Variants in STAMBP observed in about 807,000 individuals in gnomAD.
The protein encoded by STAMBP is STAM binding protein.
A neutral mutation model predicts 50.7 loss-of-function variants in STAMBP; 31 were observed. That is an observed-to-expected ratio of 0.61 (90% CI 0.46 to 0.83). STAMBP has a LOEUF of 0.83. Among genes scored for constraint, STAMBP ranks in the 40% least tolerant of loss-of-function variants. The pLI is 0.00. For synonymous variants in STAMBP, 211 were observed against 192.4 expected (o/e 1.10, Z -0.80); for missense variants, 472 against 518.9 (o/e 0.91, Z 0.88).
chr2:73,838,658 G>A (rs1675014904), intron 2 of STAMBP, among the ~76,000 whole-genome samples: 1 of 152,154 alleles, frequency 6.6e-6, no homozygotes, highest in East Asian at 1.9e-4. Context: ...GTTATTTTGA[G>A]TGACATATTA....
At chr2:73,832,491 T>A (rs1465764211) in intron 2 of STAMBP, among the ~76,000 whole-genome samples, 2 of 148,674 alleles carry the variant, frequency 1.3e-5, no homozygotes, top group Non-Finnish European at 3.0e-5. Flanking sequence ...CCCCACCCAC[T>A]CCTCTTTTCC....
chr2:73,862,301 C>T lies in STAMBP; in HGVS notation c.*42C>T. ...CCTTCCAAGAACAACAAAACCATAT[C>T]AGTGTACTGTAGCCCCTTAATTTAA... On this transcript the variant is annotated 3_prime_UTR_variant, in exon 10 of 10. Transcript: ENST00000394070. 2 of 1,574,900 alleles carry T rather than the reference C, an allele frequency of 1.3e-6. No homozygotes were observed. The highest frequency in any genetic ancestry group is 1.7e-6 in the Non-Finnish European group (2 of 1,156,558).
In STAMBP at chr2:73,853,774, A is replaced by G. The variant is rs373925871; in HGVS notation, c.1005+3261A>G. On this transcript the variant is annotated intron_variant, in intron 7 of 9. Coordinates refer to ENST00000394070, the MANE Select transcript of STAMBP (RefSeq NM_213622.4). The stretch of plus-strand genomic sequence containing the variant: ...TTAACAAATCATTAAGCAAATATCT[A>G]TGTACATACACTACCTAGGTCAGGA... 2.1e-3 allele frequency among the ~76,000 whole-genome samples: 325 copies of G among 152,294 alleles called. 1 individual carries two copies. Among genetic ancestry groups the G allele is most frequent in the African/African-American group, 7.5e-3 (311 of 41,574 alleles).
intron 2 of STAMBP, among the ~76,000 whole-genome samples, chr2:73,842,963 T>C (rs533121032): frequency 2.6e-5 from 4 of 152,274 alleles, no homozygotes; most frequent in Admixed American, 2.6e-4. Flanking sequence ...TCTTAGCTGA[T>C]TCAGGCCTCA....
chr2:73,868,920 T>C (rs918992237), downstream of STAMBP, among the ~76,000 whole-genome samples: 2 of 152,104 alleles, frequency 1.3e-5, no homozygotes, highest in Non-Finnish European at 1.5e-5. Context: ...GTTAACATGA[T>C]AAAATAAATC....
chr2:73,871,854 A>G (rs908291438), downstream of STAMBP, among the ~76,000 whole-genome samples: 12 of 151,742 alleles, frequency 7.9e-5, no homozygotes, highest in Non-Finnish European at 1.2e-4. Context: ...CGCAACCTCT[A>G]CCTCCTGGGT....
rs1274357060 is a variant in STAMBP at position 73,830,929 on chromosome 2, G to A, written c.73G>A (p.Val25Ile). 1 of 1,614,040 alleles carries A rather than the reference G, an allele frequency of 6.2e-7. No homozygotes were observed. Among genetic ancestry groups the A allele is most frequent in the Non-Finnish European group, 8.5e-7 (1 of 1,180,048 alleles). Residue 25 changes from valine to isoleucine, a missense_variant, in exon 2 of 10, where the codon GTA becomes ATA. By Grantham distance (29) the Val-to-Ile change is conservative. Coordinates refer to ENST00000394070, the MANE Select transcript of STAMBP (RefSeq NM_213622.4). ...GGCTCTCTCCCAGCTGGGTAGTGCGGTAGAGGTGAATGAAGACATTCCACC... is the reference window on the plus strand; with the variant it reads ...GGCTCTCTCCCAGCTGGGTAGTGCGATAGAGGTGAATGAAGACATTCCACC... ...VRALSQLGSA[V>I]EVNEDIPPRR...
chr2:73,839,483 G>GTACATA (rs1675112556), intron 2 of STAMBP, among the ~76,000 whole-genome samples: 1 of 152,162 alleles, frequency 6.6e-6, no homozygotes, highest in Non-Finnish European at 1.5e-5. Context: ...AATGTTTGCT[G>GTACATA]GGATTGGGGT....
intron 1 of STAMBP, 121 bp downstream of exon 1, chr2:73,829,631 C>T (rs574865866): frequency 2.6e-5 from 4 of 152,292 alleles, no homozygotes; most frequent in East Asian, 3.9e-4. Context: ...CTAAGGAGGC[C>T]TCGTGAGAGA....
intron 7 of STAMBP, among the ~76,000 whole-genome samples, chr2:73,855,333 C>T (rs1677415459): frequency 6.6e-6 from 1 of 152,218 alleles, no homozygotes; most frequent in South Asian, 2.1e-4. Flanking sequence ...CCTCTATCCC[C>T]AGCAGCATGG....
At chr2:73,868,940 A>G (rs774055356), downstream of STAMBP, among the ~76,000 whole-genome samples, 3 of 152,254 alleles carry the variant, frequency 2.0e-5, no homozygotes, top group Non-Finnish European at 4.4e-5. Context: ...CTTCTAATAT[A>G]TAACACCCAG....
intron 2 of STAMBP, 73 bp downstream of exon 2, chr2:73,831,132 A>C: frequency 8.2e-7 from 1 of 1,220,578 alleles, no homozygotes; most frequent in Non-Finnish European, 1.2e-6. Context: ...AATTGCTAAA[A>C]CCACAGAACT....
chr2:73,850,336 G>A lies in STAMBP; in HGVS notation c.868-40G>A, dbSNP rs780026254. On this transcript the variant is annotated intron_variant, in intron 6 of 9. Coordinates refer to ENST00000394070, the MANE Select transcript of STAMBP (RefSeq NM_213622.4). This position sits in a 1 kb window ranked among gnomAD's most constrained non-coding sequence, Gnocchi z 4.3. ...GATGGAGTGGAGCAGGGTTGCATGA[G>A]CACCAGGGAATTGTGACCAGCTGTT... 5.1e-6 allele frequency: 8 copies of A among 1,582,424 alleles called. No homozygotes were observed. The East Asian group carries it at 1.6e-4, about 32-fold the overall frequency.
chr2:73,861,734 G>A (rs1678352199), intron 9 of STAMBP, among the ~76,000 whole-genome samples: 2 of 143,864 alleles, frequency 1.4e-5, no homozygotes, highest in Non-Finnish European at 1.5e-5. Flanking sequence ...TCACCATGTT[G>A]GCCAGGATGG....
At chr2:73,858,921 C>T (rs948151593) in intron 7 of STAMBP, among the ~76,000 whole-genome samples, 2 of 151,480 alleles carry the variant, frequency 1.3e-5, no homozygotes, top group African/African-American at 4.9e-5. Flanking sequence ...GAGCCCAGAC[C>T]CCCCAATGGA....
intron 2 of STAMBP, among the ~76,000 whole-genome samples, chr2:73,841,573 C>T (rs928537113): frequency 2.0e-5 from 3 of 152,206 alleles, no homozygotes; most frequent in African/African-American, 7.2e-5. Flanking sequence ...TCTATGGTAG[C>T]AGATATCACC....
intron 2 of STAMBP, among the ~76,000 whole-genome samples, chr2:73,832,087 A>G (rs1231930911): frequency 8.2e-6 from 1 of 121,836 alleles, no homozygotes; most frequent in Non-Finnish European, 1.6e-5. Context: ...TAGGTAACAT[A>G]TATATATATA....
intron 10 of STAMBP, among the ~76,000 whole-genome samples, chr2:73,872,589 A>G (rs1359659657): frequency 2.0e-5 from 3 of 152,240 alleles, no homozygotes; most frequent in Non-Finnish European, 4.4e-5. Context: ...AGAGCAATTC[A>G]TGATCAATGA....
downstream of STAMBP, among the ~76,000 whole-genome samples, chr2:73,869,817 A>G (rs1679133214): frequency 6.6e-6 from 1 of 152,216 alleles, no homozygotes; most frequent in Non-Finnish European, 1.5e-5. Context: ...GAATCAGCAA[A>G]CTTTATTGTT....
Sources: gnomAD v4.1 joint callset for allele counts (sites outside exome capture counted in the v4.1 genomes callset) on GRCh38, gnomAD v4.1.1 for gene constraint, Gnocchi (gnomAD v3.1) non-coding constraint, MANE v1.5 for transcripts, NCBI Gene and HGNC (gene_info 2026-07-23, HGNC 2026-07-21) for gene names.